Variants in CEP192 observed in about 807,000 individuals in gnomAD.
CEP192 encodes the protein centrosomal protein 192.
Under a neutral mutation model 271.8 loss-of-function variants are expected in CEP192, and 151 were observed. The observed-to-expected ratio is 0.56, with a 90% confidence interval of 0.49 to 0.64. CEP192 has a LOEUF of 0.64. Ranked by LOEUF, CEP192 falls within the 30% of genes least tolerant of loss-of-function variation. CEP192 has a pLI of 0.00. For missense variants in CEP192, 2,910 were observed against 3,020.5 expected (o/e 0.96, Z 0.86); for synonymous variants, 995 against 1,076.5 (o/e 0.92, Z 1.48).
intron 36 of CEP192, among the ~76,000 whole-genome samples, chr18:13,098,251 G>A (rs1015015512): frequency 6.6e-6 from 1 of 151,380 alleles, no homozygotes; most frequent in African/African-American, 2.4e-5. Context: ...CCTCCCGGAC[G>A]GGACGGCTGG....
chr18:13,055,216 T>C (rs1056434818), intron 18 of CEP192, among the ~76,000 whole-genome samples: 2 of 151,550 alleles, frequency 1.3e-5, no homozygotes, highest in Non-Finnish European at 1.5e-5. Flanking sequence ...GAGGCGAAGG[T>C]TGCAGTGAGC....
At chr18:13,037,794 A>G (rs933297017) in intron 12 of CEP192, among the ~76,000 whole-genome samples, 21 of 152,154 alleles carry the variant, frequency 1.4e-4, no homozygotes, top group Admixed American at 1.0e-3. Context: ...GGTTCAAGCA[A>G]TCCTTCCATC....
At chr18:13,003,543 A>G (rs1219795312) in intron 3 of CEP192, among the ~76,000 whole-genome samples, 1 of 151,960 alleles carries the variant, frequency 6.6e-6, no homozygotes, top group Admixed American at 6.5e-5. Flanking sequence ...ACTTCAGGCC[A>G]AAGGTGCGGC....
chr18:13,001,410 A>G (rs1251990938), intron 2 of CEP192, 47 bp from the exon 3 acceptor site: 14 of 1,332,350 alleles, frequency 1.1e-5, no homozygotes, highest in Non-Finnish European at 2.1e-6. Flanking sequence ...ACATTTAAAT[A>G]TGTGTAATTT....
At chr18:13,014,579 T>C (rs1568280678) in intron 5 of CEP192, among the ~76,000 whole-genome samples, 1 of 152,224 alleles carries the variant, frequency 6.6e-6, no homozygotes, top group Non-Finnish European at 1.5e-5. Context: ...AGAGCTTATA[T>C]TGCACAGCTG....
chr18:12,993,296 T>C (rs1184241965), intron 1 of CEP192, among the ~76,000 whole-genome samples: 2 of 152,122 alleles, frequency 1.3e-5, no homozygotes, highest in African/African-American at 4.8e-5. Flanking sequence ...TTGTATTTTG[T>C]ATTGCATTCG....
intron 42 of CEP192, among the ~76,000 whole-genome samples, chr18:13,115,983 A>G (rs1444209969): frequency 6.6e-6 from 1 of 152,214 alleles, no homozygotes; most frequent in Non-Finnish European, 1.5e-5. Flanking sequence ...AGCCAGTGCC[A>G]CCACCAGCAA....
At chr18:13,078,741 C>G (rs1295478333) in intron 30 of CEP192, among the ~76,000 whole-genome samples, 1 of 152,076 alleles carries the variant, frequency 6.6e-6, no homozygotes, top group African/African-American at 2.4e-5. Context: ...CCCATTAACT[C>G]GTCATTTACG....
At chr18:12,999,689 T>A in intron 2 of CEP192, 101 bp downstream of exon 2, 2 of 810,206 alleles carry the variant, frequency 2.5e-6, no homozygotes, top group Non-Finnish European at 3.5e-6. Context: ...TTTTGTTTTA[T>A]CTATGAGGGG....
intron 42 of CEP192, among the ~76,000 whole-genome samples, chr18:13,114,722 A>G (rs1439544482): frequency 6.6e-6 from 1 of 152,208 alleles, no homozygotes; most frequent in Non-Finnish European, 1.5e-5. Context: ...TAAAGATGAC[A>G]TACATTTTCG....
chr18:13,084,284 C>T (rs947332214), intron 30 of CEP192, among the ~76,000 whole-genome samples: 7 of 152,154 alleles, frequency 4.6e-5, no homozygotes, highest in African/African-American at 1.4e-4. Context: ...CCACCCAGTT[C>T]GAGCTTCCCT....
At chr18:13,040,455 A>G (rs1345388499) in intron 13 of CEP192, among the ~76,000 whole-genome samples, 1 of 152,214 alleles carries the variant, frequency 6.6e-6, no homozygotes, top group African/African-American at 2.4e-5. Context: ...TAATCTTAAT[A>G]CACATTTTTC....
chr18:13,123,473 C>G (rs1338650250), intron 44 of CEP192, among the ~76,000 whole-genome samples: 1 of 152,196 alleles, frequency 6.6e-6, no homozygotes, highest in Non-Finnish European at 1.5e-5. Context: ...CCGGTGTACT[C>G]TTGTGCACCC....
intron 36 of CEP192, among the ~76,000 whole-genome samples, chr18:13,099,025 C>A (rs374917632): frequency 6.6e-6 from 1 of 152,028 alleles, no homozygotes; most frequent in South Asian, 2.1e-4. Context: ...CAAAAAAATA[C>A]GAAAACCAGT....
chr18:13,108,625 T>C (rs2040066597), intron 40 of CEP192, among the ~76,000 whole-genome samples: 1 of 152,222 alleles, frequency 6.6e-6, no homozygotes, highest in South Asian at 2.1e-4. Flanking sequence ...GCAGTCAGAA[T>C]GGCTGTTATT....
intron 34 of CEP192, among the ~76,000 whole-genome samples, chr18:13,092,998 CA>C (rs1015615296): frequency 4.7e-5 from 7 of 148,088 alleles, no homozygotes; most frequent in Non-Finnish European, 9.0e-5. Flanking sequence ...ACTAAAAATA[CA>C]AAAAAAAAAG....
At position 13,100,507 on chromosome 18, in the gene CEP192, C is replaced by T; in HGVS notation, c.6866C>T (p.Thr2289Ile). ...TTTCCTACAACAGAACCTGGTGAAA[C>T]TTCAGGTATTGTATCACAAAATTAT... Reference protein sequence around the residue: ...ITFPTTEPGETSESCLELENH... With the variant: ...ITFPTTEPGEISESCLELENH... The change falls in exon 38 of 45, where the codon ACT becomes ATT. Residue 2289 changes from threonine to isoleucine, a missense_variant. Transcript: ENST00000506447. 8 of 1,608,194 alleles carry T rather than the reference C, an allele frequency of 5.0e-6. No individual in the cohort carries two copies. The highest frequency in any genetic ancestry group is 6.8e-6 in the Non-Finnish European group (8 of 1,175,462).
chr18:13,069,633 C>A, intron 26 of CEP192, 105 bp from the exon 27 acceptor site: 1 of 703,566 alleles, frequency 1.4e-6, no homozygotes, highest in South Asian at 1.7e-5. Context: ...AGGGGACAAA[C>A]AACCTGTCCT....
chr18:13,049,816 A>G lies in CEP192; in HGVS notation c.2942A>G (p.Gln981Arg), dbSNP rs139860454. 2 of 1,604,850 alleles carry G rather than the reference A, an allele frequency of 1.2e-6. No homozygotes were observed. The highest frequency in any genetic ancestry group is 8.5e-7 in the Non-Finnish European group (1 of 1,178,630). The change falls in exon 17 of 45, where the codon CAG becomes CGG. Residue 981 changes from glutamine to arginine, a missense_variant. Coordinates refer to ENST00000506447, the MANE Select transcript of CEP192 (RefSeq NM_032142.4). ...EHGGRGSEDE[Q>R]ESFRPSTSPL... ...GGTGGACGTGGCTCAGAGGATGAGC[A>G]GGAGAGCTTCAGACCTTCCACGTCA...
Sources: allele counts gnomAD v4.1 joint callset (sites outside exome capture counted in the v4.1 genomes callset), GRCh38; gene constraint gnomAD v4.1.1; transcripts MANE v1.5; gene names NCBI Gene and HGNC (gene_info 2026-07-23, HGNC 2026-07-21).